JPH3: variants seen among roughly 807,000 people sequenced by gnomAD.
JPH3 encodes the protein junctophilin 3, also known as junctophilin-3.
Under a neutral mutation model 59.6 loss-of-function variants are expected in JPH3, and 11 were observed. The observed-to-expected ratio is 0.18, with a 90% CI of 0.12 to 0.31. JPH3 has a LOEUF of 0.31. Among genes scored for constraint, JPH3 ranks in the 10% least tolerant of loss-of-function variants. The pLI, the probability that JPH3 is intolerant of heterozygous loss-of-function variation, is 1.00. For synonymous variants in JPH3, 673 were observed against 483.6 expected (o/e 1.39, Z -5.14); for missense variants, 1,202 against 1,105.7 (o/e 1.09, Z -1.24).
At chr16:87,622,829 G>T (rs962119973) in intron 1 of JPH3, among the ~76,000 whole-genome samples, 1 of 152,154 alleles carries the variant, frequency 6.6e-6, no homozygotes, top group African/African-American at 2.4e-5. Context: ...GGGGGGCTGG[G>T]GAGGTGGTGT....
At chr16:87,625,625 G>C (rs77973885) in intron 1 of JPH3, among the ~76,000 whole-genome samples, 4,070 of 152,244 alleles carry the variant, frequency 0.027, 190 homozygotes, top group African/African-American at 0.092. Flanking sequence ...AGCGCAGACT[G>C]GGGGAGACGT....
intron 1 of JPH3, among the ~76,000 whole-genome samples, chr16:87,621,350 G>C (rs999520066): frequency 3.3e-5 from 5 of 152,196 alleles, no homozygotes; most frequent in Admixed American, 3.3e-4. Flanking sequence ...GGGGGAGGGG[G>C]TTCGGGACAG....
At chr16:87,622,838 G>T (rs1030466346) in intron 1 of JPH3, among the ~76,000 whole-genome samples, 1 of 152,148 alleles carries the variant, frequency 6.6e-6, no homozygotes, top group Non-Finnish European at 1.5e-5. Context: ...GGGAGGTGGT[G>T]TAGCCAGTGC....
intron 1 of JPH3, among the ~76,000 whole-genome samples, chr16:87,616,778 G>A (rs990058111): frequency 2.6e-5 from 4 of 152,182 alleles, no homozygotes; most frequent in African/African-American, 4.8e-5. Context: ...AGCCATACCC[G>A]CTGCCCTGGC....
chr16:87,625,842 C>T (rs1217712153), intron 1 of JPH3, among the ~76,000 whole-genome samples: 3 of 152,152 alleles, frequency 2.0e-5, no homozygotes, highest in Admixed American at 6.5e-5. Flanking sequence ...TTGTAGACAG[C>T]GCAAAGTTCC....
At chr16:87,659,877 C>A (rs563156903) in intron 2 of JPH3, among the ~76,000 whole-genome samples, 1 of 152,314 alleles carries the variant, frequency 6.6e-6, no homozygotes, top group African/African-American at 2.4e-5. Context: ...CACTAACTCC[C>A]CCTCCCAGGT....
chr16:87,673,627 CGG>C (rs1243167596), intron 2 of JPH3, among the ~76,000 whole-genome samples: 9 of 152,100 alleles, frequency 5.9e-5, no homozygotes, highest in Admixed American at 5.9e-4. Flanking sequence ...TGTTCTGGAA[CGG>C]TCATTAAAAC....
chr16:87,684,358 G>T, intron 3 of JPH3, 92 bp downstream of exon 3: 1 of 1,531,662 alleles, frequency 6.5e-7, no homozygotes. Flanking sequence ...TCCAGAGCGG[G>T]TAGGCTTAGA....
intron 1 of JPH3, among the ~76,000 whole-genome samples, chr16:87,633,659 T>G (rs60525207): frequency 0.079 from 11,934 of 151,594 alleles, 1,393 homozygotes; most frequent in African/African-American, 0.26. Context: ...ATTAGCTGGG[T>G]GTGGTGGCGG....
chr16:87,662,172 C>T (rs573556257), intron 2 of JPH3, among the ~76,000 whole-genome samples: 15 of 152,312 alleles, frequency 9.8e-5, no homozygotes, highest in East Asian at 1.9e-4. Context: ...CATCCCGAAG[C>T]GCCGGTCCCA....
intron 2 of JPH3, chr16:87,655,081 C>G (rs1216895753): frequency 6.6e-6 from 1 of 152,332 alleles, no homozygotes; most frequent in African/African-American, 2.4e-5. Flanking sequence ...AGTCGAGTGT[C>G]TCGAGTGGGG....
chr16:87,660,005 T>G (rs1038807563), intron 2 of JPH3, among the ~76,000 whole-genome samples: 2 of 152,240 alleles, frequency 1.3e-5, no homozygotes, highest in African/African-American at 4.8e-5. Flanking sequence ...ATTCCTTTCC[T>G]TGTCCCTGTC....
At chr16:87,658,076 G>T (rs752148054) in intron 2 of JPH3, among the ~76,000 whole-genome samples, 11 of 152,180 alleles carry the variant, frequency 7.2e-5, no homozygotes, top group Admixed American at 3.9e-4. Flanking sequence ...CTCCTACCCC[G>T]GAAGGCACCA....
chr16:87,619,632 C>T (rs1007550838), intron 1 of JPH3, among the ~76,000 whole-genome samples: 9 of 152,150 alleles, frequency 5.9e-5, no homozygotes, highest in South Asian at 2.1e-4. Context: ...TTACCAGCTC[C>T]GGTCCTCGGA....
intron 1 of JPH3, among the ~76,000 whole-genome samples, chr16:87,635,274 G>A (rs968961933): frequency 6.6e-6 from 1 of 152,224 alleles, no homozygotes; most frequent in African/African-American, 2.4e-5. Context: ...CTGAGGAGGT[G>A]GAGCACCTGG....
In JPH3 at chr16:87,644,925, C is replaced by T. The variant is rs780181019; in HGVS notation, c.1050C>T (p.Asn350=). ...TCCTCGTCGGCGGCAAGCGCAAGAA[C>T]CTCATCCCCCTGCGGGCCAGCAAGA... ...QNILVGGKRK[N]LIPLRASKIR... Residue 350 remains asparagine, a synonymous_variant, in exon 2 of 5, where the codon AAC becomes AAT. Transcript: ENST00000284262. 1.2e-6 allele frequency: 2 copies of T among 1,612,580 alleles called. No homozygotes were observed. The highest frequency in any genetic ancestry group is 1.3e-5 in the African/African-American group (1 of 74,910).
At chr16:87,634,261 C>T (rs558875437) in intron 1 of JPH3, among the ~76,000 whole-genome samples, 80 of 152,214 alleles carry the variant, frequency 5.3e-4, no homozygotes, top group Middle Eastern at 3.4e-3. Flanking sequence ...GCACAACAGG[C>T]GAAGACCCCA....
chr16:87,645,648 C>G (rs982008402), intron 2 of JPH3, among the ~76,000 whole-genome samples: 1 of 152,154 alleles, frequency 6.6e-6, no homozygotes, highest in Non-Finnish European at 1.5e-5. Flanking sequence ...CCTCTAGGCC[C>G]TAAGGAATGG....
At chr16:87,613,678 G>A (rs928100787) in intron 1 of JPH3, among the ~76,000 whole-genome samples, 3 of 152,144 alleles carry the variant, frequency 2.0e-5, no homozygotes, top group Non-Finnish European at 4.4e-5. Context: ...TGTGGACTTG[G>A]AACCTGAAGC....
Sources: allele counts gnomAD v4.1 joint callset (sites outside exome capture counted in the v4.1 genomes callset), GRCh38; gene constraint gnomAD v4.1.1; transcripts MANE v1.5; gene names NCBI Gene and HGNC (gene_info 2026-07-23, HGNC 2026-07-21).